SHOX: variants seen among roughly 807,000 people sequenced by gnomAD.
SHOX encodes the protein short stature homeobox protein.
A neutral mutation model predicts 29.6 loss-of-function variants in SHOX; 12 were observed. The ratio of observed to expected loss-of-function variants is 0.41; its 90% CI spans 0.26 to 0.66. SHOX has a LOEUF of 0.66. Among genes scored for constraint, SHOX ranks in the 30% least tolerant of loss-of-function variants. The pLI, the probability that SHOX is intolerant of heterozygous loss-of-function variation, is 0.35. For missense variants in SHOX, 499 were observed against 437.7 expected (o/e 1.14, Z -1.25); for synonymous variants, 214 against 200.6 (o/e 1.07, Z -0.57).
At chrX:644,304 C>A (rs1441033116) in intron 4 of SHOX, 87 bp from the exon 5 acceptor site, 2 of 1,415,622 alleles carry the variant, frequency 1.4e-6, no homozygotes, top group African/African-American at 1.5e-5. Context: ...GGAGAAGAGG[C>A]ACGTTGGAGG....
chrX:624,862 T>TTTTCTTTCTTTTC lies in SHOX; in HGVS notation c.-433+271_-433+272insTCTTTCTTTCTTT, dbSNP rs1194295441. ...TCCTTCCTCTCTTCCTCTTTCTTTC[T>TTTTCTTTCTTTTC]TTTCTTTCTTTCTTTCTTTCTTTCT... On this transcript the variant is annotated intron_variant, in intron 1 of 5. Transcript: ENST00000334060. Among the ~76,000 whole-genome samples, 160 of 76,834 alleles carry TTTTCTTTCTTTTC rather than the reference T, an allele frequency of 2.1e-3. 2 individuals are homozygous for TTTTCTTTCTTTTC. Among genetic ancestry groups the TTTTCTTTCTTTTC allele is most frequent in the Non-Finnish European group, 3.2e-3 (121 of 37,252 alleles). The allele number at this position is 76,834 out of a possible 152,430, so 50.4% of individuals were successfully genotyped here.
chrX:655,594 CTCTCTCTCTCTCTCTCTCTCTATATATA>C (rs1389771844), downstream of SHOX, among the ~76,000 whole-genome samples: 13 of 61,564 alleles, frequency 2.1e-4, no homozygotes, highest in Admixed American at 6.9e-4. Context: ...CTCTCTCTCT[CTCTCTCTCTCTCTCTCTCTCTATATATA>C]TATATATATA....
intron 1 of SHOX, among the ~76,000 whole-genome samples, chrX:625,050 T>C (rs868049255): frequency 9.6e-5 from 4 of 41,612 alleles, no homozygotes; most frequent in Admixed American, 6.2e-4. Context: ...TTCCTCCCTC[T>C]GTTCCTTCCT....
At chrX:634,333 A>AG (rs1430193356) in intron 1 of SHOX, among the ~76,000 whole-genome samples, 1 of 152,138 alleles carries the variant, frequency 6.6e-6, no homozygotes, top group Non-Finnish European at 1.5e-5. Flanking sequence ...CCTTAAAAAA[A>AG]AAAATAAGAA....
chrX:657,083 CAA>C (rs1224553602), intron 5 of SHOX, among the ~76,000 whole-genome samples: 2 of 32,838 alleles, frequency 6.1e-5, no homozygotes, highest in Admixed American at 3.4e-4. Flanking sequence ...GACTCCGTCT[CAA>C]AAAAAAAAAA....
In SHOX at chrX:649,103, T is replaced by A. The variant is rs1254214457; in HGVS notation, c.*4467T>A. ...CCCAGGCTGGAGTGCAGTGGTGCAA[T>A]CCCAGCTCACTGCATCCTCTACCTC... On this transcript the variant is annotated 3_prime_UTR_variant, in exon 5 of 5. Coordinates refer to ENST00000686671, the MANE Select transcript of SHOX (RefSeq NM_000451.4). 6.6e-6 allele frequency among the ~76,000 whole-genome samples: 1 copy of A among 151,878 alleles called. No individual in the cohort carries two copies. The highest frequency in any genetic ancestry group is 2.4e-5 in the African/African-American group (1 of 41,342).
chrX:645,821 G>A lies in SHOX; in HGVS notation c.*1185G>A, dbSNP rs748225826. The A allele has an allele frequency of 3.5e-4, 54 of 152,354 alleles. No individual in the cohort carries two copies. The highest frequency in any genetic ancestry group is 1.3e-3 in the African/African-American group (54 of 41,588). The allele number at this position is 152,354 out of a possible 1,614,324, so 9.4% of individuals were successfully genotyped here. ...AGGGAGAGATCCAGAGAGTTTTCAAGTTTTTGCAGATGTAGGTGGTTCCAG... is the reference window on the plus strand; with the variant it reads ...AGGGAGAGATCCAGAGAGTTTTCAAATTTTTGCAGATGTAGGTGGTTCCAG... On this transcript the variant is annotated 3_prime_UTR_variant, in exon 5 of 5. Transcript: ENST00000686671.
At position 650,540 on chromosome X, in the gene SHOX, G is replaced by A. The variant is rs1438201706; in HGVS notation, c.*5904G>A. 2.6e-5 allele frequency among the ~76,000 whole-genome samples: 4 copies of A among 152,058 alleles called. No homozygotes were observed. The highest frequency in any genetic ancestry group is 4.8e-5 in the African/African-American group (2 of 41,512). ...GCCAAGCTCTGGTCAGGATGAAAGG[G>A]AAATACCAGAGTCCTCTGTCCTCGC... On this transcript the variant is annotated 3_prime_UTR_variant, in exon 5 of 5. Coordinates refer to ENST00000686671, the MANE Select transcript of SHOX (RefSeq NM_000451.4).
chrX:625,925 C>T (rs1402574167), upstream of SHOX, among the ~76,000 whole-genome samples: 3 of 130,002 alleles, frequency 2.3e-5, no homozygotes, highest in African/African-American at 8.6e-5. Flanking sequence ...GTATCTCTAT[C>T]TCTGTCTCTC....
intron 1 of SHOX, among the ~76,000 whole-genome samples, chrX:625,058 C>CCCCCCCTCCCTCCTTCT (rs1556451947): frequency 1.3e-5 from 1 of 75,214 alleles, no homozygotes; most frequent in Non-Finnish European, 2.2e-5. Context: ...TCTGTTCCTT[C>CCCCCCCTCCCTCCTTCT]CTCCCTCCCT....
At position 649,193 on chromosome X, in the gene SHOX, A is replaced by G. The variant is rs1290892874; in HGVS notation, c.*4557A>G. Reference sequence around the variant, plus strand: ...GCTGGGATGACAGGCACCCACCACCATTCCCGGATAATTTTTGTATTTTTT... The same window carrying G: ...GCTGGGATGACAGGCACCCACCACCGTTCCCGGATAATTTTTGTATTTTTT... On this transcript the variant is annotated 3_prime_UTR_variant, in exon 5 of 5. Transcript: ENST00000686671. 6.6e-6 allele frequency among the ~76,000 whole-genome samples: 1 copy of G among 151,772 alleles called. No individual in the cohort carries two copies. Among genetic ancestry groups the G allele is most frequent in the Non-Finnish European group, 1.5e-5 (1 of 67,942 alleles).
At chrX:638,872 G>A (rs755306615) in intron 2 of SHOX, among the ~76,000 whole-genome samples, 1 of 152,350 alleles carries the variant, frequency 6.6e-6, no homozygotes, top group East Asian at 1.9e-4. Context: ...CCTGTTCTCT[G>A]GACGAATCAT....
intron 1 of SHOX, among the ~76,000 whole-genome samples, chrX:633,681 G>T (rs924024055): frequency 1.3e-5 from 2 of 152,048 alleles, no homozygotes; most frequent in African/African-American, 4.8e-5. Context: ...GACAGCAAGG[G>T]ACATCTCATT....
intron 4 of SHOX, among the ~76,000 whole-genome samples, chrX:642,631 AC>A (rs1301759615): frequency 2.0e-5 from 3 of 152,036 alleles, no homozygotes; most frequent in African/African-American, 7.2e-5. Context: ...TCTTTTGCCG[AC>A]GGCGGGACCC....
Position 658,714 on chromosome X carries a change from T to C in SHOX, c.634-71T>C, listed in dbSNP as rs190257477. On this transcript the variant is annotated intron_variant, in intron 5 of 5. Coordinates refer to the SHOX transcript ENST00000334060. ...CTCGATCTCCTGACCTCATGATCCG[T>C]CCGCCTCAGCCTCCCAAAGTGCTGG... 71,824 of 284,326 alleles carry C rather than the reference T, an allele frequency of 0.25. 10,562 individuals are homozygous for C. Among genetic ancestry groups the C allele is most frequent in the Non-Finnish European group, 0.31 (42,666 of 137,280 alleles). 17.6% of individuals were successfully genotyped at this position (284,326 alleles called of 1,614,324 possible). A position where few individuals can be genotyped will look rare whatever the true frequency, so the allele number is the denominator to read the frequency against.
intron 4 of SHOX, among the ~76,000 whole-genome samples, chrX:641,939 C>T (rs1488543442): frequency 6.6e-6 from 1 of 152,178 alleles, no homozygotes; most frequent in African/African-American, 2.4e-5. Context: ...TGCCTGGCCC[C>T]TGGCCCCTGG....
At chrX:631,242 C>T (rs2052643646) in intron 1 of SHOX, 68 bp downstream of exon 1, 2 of 1,567,314 alleles carry the variant, frequency 1.3e-6, no homozygotes, top group South Asian at 1.1e-5. Context: ...GCCACGGAGT[C>T]GGCCCCGCGC....
intron 1 of SHOX, among the ~76,000 whole-genome samples, chrX:624,862 T>TTTTCTTTCTTTCCTTTCTTTC (rs1556451609): frequency 1.7e-4 from 13 of 76,810 alleles, no homozygotes; most frequent in South Asian, 6.4e-4. Flanking sequence ...TCTTTCTTTC[T>TTTTCTTTCTTTCCTTTCTTTC]TTTCTTTCTT....
chrX:633,907 T>A (rs1291859027), intron 1 of SHOX, among the ~76,000 whole-genome samples: 1 of 152,220 alleles, frequency 6.6e-6, no homozygotes. Context: ...TCTGCCCTTC[T>A]GACTCCCCCA....
Sources: gnomAD v4.1 joint callset for allele counts (sites outside exome capture counted in the v4.1 genomes callset) on GRCh38, gnomAD v4.1.1 for gene constraint, MANE v1.5 for transcripts, NCBI Gene and HGNC (gene_info 2026-07-23, HGNC 2026-07-21) for gene names.